PDE1A: variants seen among roughly 807,000 people sequenced by gnomAD.
PDE1A encodes the protein dual specificity calcium/calmodulin-dependent 3',5'-cyclic nucleotide phosphodiesterase 1A.
In PDE1A, 35 loss-of-function variants were observed where a neutral mutation model predicts 61.7. That is an observed-to-expected ratio of 0.57 (90% CI 0.43 to 0.75). The LOEUF (loss-of-function observed/expected upper bound fraction) is 0.75. PDE1A is among the 30% of genes least tolerant of loss of function. The probability of loss-of-function intolerance (pLI) is 0.00; values close to 1 mark genes in which losing one functional copy is unlikely to be tolerated. For synonymous variants in PDE1A, 232 were observed against 213.2 expected, an observed-to-expected ratio of 1.09 and a Z score of -0.77; for missense variants, 597 against 630.6, an observed-to-expected ratio of 0.95 and a Z score of 0.57.
chr2:182,567,183 A>C, the PDE1A span, among the ~76,000 whole-genome samples: 43 of 152,294 alleles, frequency 2.8e-4, no homozygotes, highest in Middle Eastern at 3.4e-3. Context: ...CATTACCATG[A>C]GAGAACATTA....
rs557822146 is a variant in PDE1A, at chr2:182,291,420, G to A, written c.54-27006C>T. On this transcript the variant is annotated intron_variant, in intron 1 of 13. Transcript: ENST00000351439. Reference sequence around the variant, plus strand: ...TGATGCAGGGTTAATCACCCCTTCTGGTAACAGTATTGCACGTAGTGCATA... The same window carrying A: ...TGATGCAGGGTTAATCACCCCTTCTAGTAACAGTATTGCACGTAGTGCATA... 3.3e-5 allele frequency among the ~76,000 whole-genome samples: 5 copies of A among 152,228 alleles called. No individual in the cohort carries two copies. In the South Asian group the frequency reaches 1.0e-3, roughly 32 times the overall value.
the PDE1A span, among the ~76,000 whole-genome samples, chr2:182,612,888 C>T: frequency 2.0e-5 from 3 of 152,234 alleles, no homozygotes; most frequent in African/African-American, 4.8e-5. Flanking sequence ...TAACCATTTG[C>T]GAGATCGGCC....
At chr2:182,380,667 A>T (rs1313981831) in intron 1 of PDE1A, among the ~76,000 whole-genome samples, 1 of 152,180 alleles carries the variant, frequency 6.6e-6, no homozygotes, top group Non-Finnish European at 1.5e-5. Context: ...GTTTGTTTTC[A>T]ATGAACATTT....
At chr2:182,504,719 G>A (rs1689290648) in intron 2 of PDE1A, among the ~76,000 whole-genome samples, 1 of 152,150 alleles carries the variant, frequency 6.6e-6, no homozygotes, top group South Asian at 2.1e-4. Context: ...AACACTGTAT[G>A]AGTATTTATC....
chr2:182,309,816 A>G (rs564723460), intron 1 of PDE1A, among the ~76,000 whole-genome samples: 3 of 152,158 alleles, frequency 2.0e-5, no homozygotes, highest in Non-Finnish European at 4.4e-5. Context: ...AGAAGTGAAA[A>G]AACTGCATGT....
chr2:182,614,592 G>T, the PDE1A span, among the ~76,000 whole-genome samples: 3 of 121,012 alleles, frequency 2.5e-5, no homozygotes, highest in Non-Finnish European at 3.2e-5. Context: ...GTCTCACTCT[G>T]TCTTACCCAG....
chr2:182,241,887 A>T (rs1376837544), intron 2 of PDE1A: 1 of 1,544,616 alleles, frequency 6.5e-7, no homozygotes, highest in Non-Finnish European at 8.7e-7. Flanking sequence ...AAATTAAAGC[A>T]AAATAGTTTG....
chr2:182,246,728 T>A (rs1268393311), intron 2 of PDE1A, among the ~76,000 whole-genome samples: 2 of 152,100 alleles, frequency 1.3e-5, no homozygotes, highest in African/African-American at 4.8e-5. Context: ...TGTTATAATC[T>A]TCTTAGCACT....
At chr2:182,322,704 T>A (rs1696773932) in intron 1 of PDE1A, among the ~76,000 whole-genome samples, 1 of 152,206 alleles carries the variant, frequency 6.6e-6, no homozygotes, top group Non-Finnish European at 1.5e-5. Context: ...TTTATTTTTA[T>A]CTTGATGGGC....
chr2:182,563,067 CTGATT>C, the PDE1A span, among the ~76,000 whole-genome samples: 54 of 152,286 alleles, frequency 3.5e-4, 1 homozygote, highest in Admixed American at 2.6e-3. Context: ...CAGTTCTGCT[CTGATT>C]TTAGTTATCT....
chr2:182,236,736 A>G (rs892043614), intron 3 of PDE1A, among the ~76,000 whole-genome samples: 1 of 152,200 alleles, frequency 6.6e-6, no homozygotes, highest in Admixed American at 6.5e-5. Flanking sequence ...TTGGTTCAAA[A>G]TCTTATGTCT....
chr2:182,272,293 T>G (rs944078506), intron 1 of PDE1A, among the ~76,000 whole-genome samples: 15 of 152,184 alleles, frequency 9.9e-5, no homozygotes. Context: ...GCCTTGCACT[T>G]GGGAGGGCCC....
At chr2:182,666,595 T>G in the PDE1A span, among the ~76,000 whole-genome samples, 1 of 130,444 alleles carries the variant, frequency 7.7e-6, no homozygotes, top group Non-Finnish European at 1.6e-5. Flanking sequence ...GAAACAACAG[T>G]AAAACTCTGT....
intron 2 of PDE1A, among the ~76,000 whole-genome samples, chr2:182,253,880 T>G (rs996475496): frequency 4.6e-5 from 7 of 152,192 alleles, no homozygotes; most frequent in Admixed American, 6.5e-5. Context: ...TTTAACTTTA[T>G]AGTAGAAAGA....
chr2:182,573,910 TTA>T, the PDE1A span, among the ~76,000 whole-genome samples: 14 of 145,128 alleles, frequency 9.6e-5, no homozygotes, highest in East Asian at 5.9e-4. Flanking sequence ...TATTTATATA[TTA>T]TATATATTAA....
At chr2:182,311,870 T>C (rs1249362151) in intron 1 of PDE1A, among the ~76,000 whole-genome samples, 7 of 152,210 alleles carry the variant, frequency 4.6e-5, no homozygotes, top group Non-Finnish European at 2.9e-5. Flanking sequence ...CCAAAGTGAC[T>C]GTACTATTTT....
the PDE1A span, among the ~76,000 whole-genome samples, chr2:182,667,145 A>T: frequency 6.6e-6 from 1 of 152,204 alleles, no homozygotes; most frequent in Non-Finnish European, 1.5e-5. Flanking sequence ...TCAGGTTTTT[A>T]GCCACCAGAC....
intron 2 of PDE1A, among the ~76,000 whole-genome samples, chr2:182,450,050 A>G (rs1441562971): frequency 6.6e-6 from 1 of 152,170 alleles, no homozygotes. Flanking sequence ...GTTGCTGTCA[A>G]GATTAAATAA....
intron 2 of PDE1A, among the ~76,000 whole-genome samples, chr2:182,477,974 T>C (rs1687478495): frequency 6.6e-6 from 1 of 151,818 alleles, no homozygotes; most frequent in African/African-American, 2.4e-5. Context: ...GCAGGAGCCA[T>C]GGAGCCTGAC....
Sources: gnomAD v4.1 joint callset for allele counts (sites outside exome capture counted in the v4.1 genomes callset) on GRCh38, gnomAD v4.1.1 for gene constraint, MANE v1.5 for transcripts, NCBI Gene and HGNC (gene_info 2026-07-23, HGNC 2026-07-21) for gene names.